Variants in ZNRF1 observed in about 807,000 individuals in gnomAD.
The protein encoded by ZNRF1 is E3 ubiquitin-protein ligase ZNRF1.
In ZNRF1, 3 loss-of-function variants were observed where a neutral mutation model predicts 18.4. That is an observed-to-expected ratio of 0.16 (90% CI 0.07 to 0.42). The LOEUF (loss-of-function observed/expected upper bound fraction) is 0.42. Ranked by LOEUF, ZNRF1 falls within the 10% of genes least tolerant of loss-of-function variation. The pLI, the probability that ZNRF1 is intolerant of heterozygous loss-of-function variation, is 0.99. For missense variants in ZNRF1, 310 were observed against 329.8 expected (o/e 0.94, Z 0.47); for synonymous variants, 157 against 144.2 (o/e 1.09, Z -0.64).
intron 1 of ZNRF1, among the ~76,000 whole-genome samples, chr16:75,044,518 C>G (rs916303122): frequency 9.9e-5 from 15 of 151,704 alleles, no homozygotes; most frequent in African/African-American, 3.4e-4. Context: ...TGATGAGCCA[C>G]TGCACCCAGC....
intron 1 of ZNRF1, among the ~76,000 whole-genome samples, chr16:75,040,611 T>TG (rs1402946191): frequency 2.2e-5 from 3 of 138,362 alleles, no homozygotes; most frequent in African/African-American, 8.1e-5. Flanking sequence ...TTTTTTTTTT[T>TG]TTTTTTTTTT....
intron 1 of ZNRF1, among the ~76,000 whole-genome samples, chr16:75,088,677 C>G (rs897462921): frequency 1.3e-5 from 2 of 152,148 alleles, no homozygotes; most frequent in Middle Eastern, 3.2e-3. Flanking sequence ...CTCTTTCTGG[C>G]CATGCGAATC....
At chr16:75,014,277 G>A (rs1270060786) in intron 1 of ZNRF1, among the ~76,000 whole-genome samples, 1 of 152,074 alleles carries the variant, frequency 6.6e-6, no homozygotes. Context: ...CCTCTCCAAA[G>A]GGAACGACTG....
rs145482308 is a variant in ZNRF1 at position 75,018,284 on chromosome 16, C to G, written c.424+18189C>G. ...CTTTTAAAATTGTTTATAATTGTTT[C>G]GGGTTTCTTGTTATGCTCTTGTAGG... On this transcript the variant is annotated intron_variant, in intron 1 of 4. Coordinates refer to ENST00000335325, the MANE Select transcript of ZNRF1 (RefSeq NM_032268.5). Among the ~76,000 whole-genome samples the G allele has an allele frequency of 2.9e-4, 44 of 152,192 alleles. 1 individual carries two copies. Among genetic ancestry groups the G allele is most frequent in the African/African-American group, 9.4e-4 (39 of 41,520 alleles).
At position 75,001,272 on chromosome 16, in the gene ZNRF1, TC is replaced by T. The variant is rs942992829; in HGVS notation, c.424+1186del. On this transcript the variant is annotated intron_variant, in intron 1 of 4. Transcript: ENST00000335325. ...AGGGTTGACTTTTGGGGTATCTCTTTCCCCCCCCCTGCAAATAGCCTGGGGT... is the reference window on the plus strand; with the variant it reads ...AGGGTTGACTTTTGGGGTATCTCTTTCCCCCCCCTGCAAATAGCCTGGGGT... Among the ~76,000 whole-genome samples the T allele has an allele frequency of 4.4e-4, 66 of 151,684 alleles. 2 individuals carry two copies. In the South Asian group the frequency reaches 8.6e-3, roughly 20 times the overall value.
rs763185344 is a variant in ZNRF1 at position 75,001,272 on chromosome 16, T to C, written c.424+1177T>C. On this transcript the variant is annotated intron_variant, in intron 1 of 4. Coordinates refer to ENST00000335325, the MANE Select transcript of ZNRF1 (RefSeq NM_032268.5). ...AGGGTTGACTTTTGGGGTATCTCTT[T>C]CCCCCCCCCTGCAAATAGCCTGGGG... Among the ~76,000 whole-genome samples, 12 of 151,688 alleles carry C rather than the reference T, an allele frequency of 7.9e-5. No homozygotes were observed. In the South Asian group the frequency reaches 1.5e-3, roughly 18 times the overall value.
chr16:75,069,647 C>T (rs935183406), intron 1 of ZNRF1, among the ~76,000 whole-genome samples: 1 of 152,118 alleles, frequency 6.6e-6, no homozygotes, highest in Non-Finnish European at 1.5e-5. Flanking sequence ...CTCCTGACCT[C>T]GTGATCCACC....
chr16:75,090,290 C>G (rs1444903983), intron 1 of ZNRF1, among the ~76,000 whole-genome samples: 1 of 152,222 alleles, frequency 6.6e-6, no homozygotes, highest in Non-Finnish European at 1.5e-5. Flanking sequence ...AAATAATCAG[C>G]CTGGTGTGTT....
At position 75,107,915 on chromosome 16, in the gene ZNRF1, T is replaced by A. The variant is rs2036337177; in HGVS notation, c.*215T>A. ...TGAGAGAAGAATGAATCAACTGCTA[T>A]CCTTCCCCTCACCCCTCAGCCCAGG... On this transcript the variant is annotated 3_prime_UTR_variant, in exon 5 of 5. Transcript: ENST00000335325. The A allele has an allele frequency of 7.2e-6, 3 of 414,898 alleles. No individual in the cohort carries two copies. The Admixed American group carries it at 7.7e-5, about 11-fold the overall frequency. 25.7% of individuals were successfully genotyped at this position (414,898 alleles called of 1,614,324 possible). A position where few individuals can be genotyped will look rare whatever the true frequency, so the allele number is the denominator to read the frequency against.
chr16:75,044,757 A>G (rs776482231), intron 1 of ZNRF1, among the ~76,000 whole-genome samples: 8 of 152,232 alleles, frequency 5.3e-5, no homozygotes, highest in Non-Finnish European at 1.0e-4. Context: ...TATTTGATGG[A>G]CATACCCCTT....
intron 1 of ZNRF1, among the ~76,000 whole-genome samples, chr16:75,019,957 C>A (rs987653762): frequency 1.3e-5 from 2 of 152,196 alleles, no homozygotes; most frequent in Non-Finnish European, 2.9e-5. Context: ...GCGATCCTCC[C>A]ACCTTGGCCT....
intron 1 of ZNRF1, among the ~76,000 whole-genome samples, chr16:75,050,999 T>C (rs2035593425): frequency 1.4e-5 from 2 of 141,880 alleles, no homozygotes; most frequent in Admixed American, 7.3e-5. Flanking sequence ...TTAACACCAG[T>C]GTGGGCAACA....
chr16:75,017,988 G>T (rs1000355005), intron 1 of ZNRF1, among the ~76,000 whole-genome samples: 1 of 152,132 alleles, frequency 6.6e-6, no homozygotes, highest in Non-Finnish European at 1.5e-5. Context: ...GGAAGCTTGG[G>T]CAAGTGACCT....
At chr16:75,052,828 G>A (rs1338776828) in intron 1 of ZNRF1, among the ~76,000 whole-genome samples, 1 of 152,172 alleles carries the variant, frequency 6.6e-6, no homozygotes, top group Non-Finnish European at 1.5e-5. Flanking sequence ...TTACTGTTGT[G>A]ATGCATTTCA....
At position 75,108,622 on chromosome 16, in the gene ZNRF1, T is replaced by C; in HGVS notation, c.*922T>C. 2.5e-6 allele frequency: 1 copy of C among 398,924 alleles called. No homozygotes were observed. Among genetic ancestry groups the C allele is most frequent in the South Asian group, 1.3e-4 (1 of 7,856 alleles). The allele number at this position is 398,924 out of a possible 1,614,324, so 24.7% of individuals were successfully genotyped here. On this transcript the variant is annotated 3_prime_UTR_variant, in exon 5 of 5. Transcript: ENST00000335325. ...AAAATACAAAAAAAAACTTATAAAA[T>C]GTTTAAAAAAATGTTCAAAGCTTGG...
intron 1 of ZNRF1, among the ~76,000 whole-genome samples, chr16:75,009,951 T>C (rs2034972388): frequency 1.3e-5 from 2 of 149,714 alleles, no homozygotes; most frequent in Non-Finnish European, 3.0e-5. Flanking sequence ...GGAGAAATAA[T>C]CTATTTATAT....
chr16:75,014,682 A>C (rs894997776), intron 1 of ZNRF1, among the ~76,000 whole-genome samples: 1 of 152,134 alleles, frequency 6.6e-6, no homozygotes, highest in Non-Finnish European at 1.5e-5. Context: ...GCATGCGTGC[A>C]TGTGTGTGTA....
intron 1 of ZNRF1, among the ~76,000 whole-genome samples, chr16:75,054,706 G>A (rs905205860): frequency 1.3e-5 from 2 of 152,240 alleles, no homozygotes; most frequent in African/African-American, 4.8e-5. Flanking sequence ...GCTAAGTTCT[G>A]TGTTAGCATT....
rs372517569 is a variant in ZNRF1, at chr16:75,079,100, C to G, written c.425-14472C>G. On this transcript the variant is annotated intron_variant, in intron 1 of 4. Coordinates refer to ENST00000335325, the MANE Select transcript of ZNRF1 (RefSeq NM_032268.5). ...GCAATATGGTAGCATACTTTACATG[C>G]CTTGAGTAGAAGTCATTCACTATTT... 5.3e-5 allele frequency among the ~76,000 whole-genome samples: 8 copies of G among 152,180 alleles called. No homozygotes were observed. In the South Asian group the frequency reaches 1.4e-3, roughly 28 times the overall value.
Sources: allele counts gnomAD v4.1 joint callset (sites outside exome capture counted in the v4.1 genomes callset), GRCh38; gene constraint gnomAD v4.1.1; transcripts MANE v1.5; gene names NCBI Gene and HGNC (gene_info 2026-07-23, HGNC 2026-07-21).